Variants in METTL25 observed in about 807,000 individuals in gnomAD.
METTL25 encodes probable methyltransferase-like protein 25.
In METTL25, 64 loss-of-function variants were observed where a neutral mutation model predicts 71.6. The observed-to-expected ratio is 0.89, with a 90% confidence interval of 0.73 to 1.10. METTL25 has a LOEUF of 1.10. Ranked by LOEUF, METTL25 falls within the 50% of genes least tolerant of loss-of-function variation. The probability of loss-of-function intolerance (pLI) is 0.00; values close to 1 mark genes in which losing one functional copy is unlikely to be tolerated. For synonymous variants in METTL25, 287 were observed against 250.3 expected, an observed-to-expected ratio of 1.15 and a Z score of -1.38; for missense variants, 807 against 707.0, an observed-to-expected ratio of 1.14 and a Z score of -1.60.
At chr12:82,398,507 G>C (rs866606936) in intron 3 of METTL25, among the ~76,000 whole-genome samples, 1 of 151,744 alleles carries the variant, frequency 6.6e-6, no homozygotes, top group Non-Finnish European at 1.5e-5. Flanking sequence ...TATTCTTTAA[G>C]ATATTCTGCA....
At chr12:82,364,688 G>A (rs1367459428) in intron 1 of METTL25, among the ~76,000 whole-genome samples, 1 of 152,198 alleles carries the variant, frequency 6.6e-6, no homozygotes, top group African/African-American at 2.4e-5. Flanking sequence ...ATAGAACTGA[G>A]AATATAGCAT....
At chr12:82,417,548 A>G (rs1021140254) in intron 5 of METTL25, among the ~76,000 whole-genome samples, 3 of 152,176 alleles carry the variant, frequency 2.0e-5, no homozygotes, top group Admixed American at 2.0e-4. Context: ...ATGTACAAAT[A>G]CCTTTTTTCT....
At chr12:82,391,302 A>C (rs1885555581) in intron 3 of METTL25, among the ~76,000 whole-genome samples, 1 of 152,076 alleles carries the variant, frequency 6.6e-6, no homozygotes, top group African/African-American at 2.4e-5. Flanking sequence ...AGTGGCCAAA[A>C]CATAATGTGT....
rs1885109615 is a variant in METTL25 at position 82,387,079 on chromosome 12, A to G, written c.424+112A>G. 7.1e-6 allele frequency: 6 copies of G among 844,190 alleles called. No individual in the cohort carries two copies. The Admixed American group carries it at 1.3e-4, about 19-fold the overall frequency. 52.3% of individuals were successfully genotyped at this position (844,190 alleles called of 1,614,324 possible). ...TATTAATTTATTGTTAGACCTTAATATATAAGCCCTGACAAATTAACTATT... is the reference window on the plus strand; with the variant it reads ...TATTAATTTATTGTTAGACCTTAATGTATAAGCCCTGACAAATTAACTATT... On this transcript the variant is annotated intron_variant, in intron 2 of 11. Coordinates refer to ENST00000248306, the MANE Select transcript of METTL25 (RefSeq NM_032230.3).
intron 9 of METTL25, among the ~76,000 whole-genome samples, chr12:82,470,303 A>T (rs1435401208): frequency 6.6e-6 from 1 of 152,152 alleles, no homozygotes; most frequent in Non-Finnish European, 1.5e-5. Context: ...AGGTAGTCTC[A>T]TTTGTCTGTA....
At chr12:82,425,359 A>G (rs4411333) in intron 5 of METTL25, among the ~76,000 whole-genome samples, 128,886 of 152,008 alleles carry the variant, frequency 0.85, 55,027 homozygotes, top group East Asian at 1. Flanking sequence ...CAAAGAAAGT[A>G]TTAAAGGGAT....
chr12:82,413,810 TAATA>T (rs1565843359), intron 5 of METTL25, among the ~76,000 whole-genome samples: 2 of 151,944 alleles, frequency 1.3e-5, no homozygotes, highest in African/African-American at 2.4e-5. Flanking sequence ...AAATAATAAA[TAATA>T]AATACTCTAC....
intron 4 of METTL25, among the ~76,000 whole-genome samples, chr12:82,400,626 T>A (rs997519263): frequency 6.6e-6 from 1 of 152,130 alleles, no homozygotes; most frequent in Non-Finnish European, 1.5e-5. Context: ...CACCTTCTAA[T>A]TTTCTCAAAA....
Position 82,399,125 on chromosome 12 carries a change from A to G in METTL25, c.862A>G (p.Asn288Asp), listed in dbSNP as rs1336373200. The change falls in exon 4 of 12, where the codon AAT becomes GAT. Residue 288 changes from asparagine (N) to aspartate (D), a missense_variant. Asn to Asp is a conservative substitution (Grantham distance 23). Coordinates refer to ENST00000248306, the MANE Select transcript of METTL25 (RefSeq NM_032230.3). Reference sequence around the variant, plus strand: ...TGATTTTTCTGGCTCTGTAATTTCTAATATCAGAAACCAAATGGAAACCCT... The same window carrying G: ...TGATTTTTCTGGCTCTGTAATTTCTGATATCAGAAACCAAATGGAAACCCT... The part of the protein sequence containing the change: ...LPDFSGSVIS[N>D]IRNQMETLHS... 2 of 1,613,678 alleles carry G rather than the reference A, an allele frequency of 1.2e-6. No individual in the cohort carries two copies. The highest frequency in any genetic ancestry group is 1.3e-5 in the African/African-American group (1 of 74,916).
chr12:82,479,091 A>G lies in METTL25; in HGVS notation c.*67A>G. 2.2e-6 allele frequency: 3 copies of G among 1,339,496 alleles called. No homozygotes were observed. In the South Asian group the frequency reaches 3.6e-5, roughly 16 times the overall value. The allele number at this position is 1,339,496 out of a possible 1,614,324, so 83.0% of individuals were successfully genotyped here. On this transcript the variant is annotated 3_prime_UTR_variant, in exon 12 of 12. Transcript: ENST00000248306. Reference sequence around the variant, plus strand: ...CCTGTTGCTGAGATTGCTTTTCTAAACATATATGTCCTGTTATACAAAAAT... The same window carrying G: ...CCTGTTGCTGAGATTGCTTTTCTAAGCATATATGTCCTGTTATACAAAAAT...
rs755396180 is a variant in METTL25 at position 82,358,791 on chromosome 12, A to T, written c.226A>T (p.Thr76Ser). Residue 76 changes from threonine to serine, a missense_variant, in exon 1 of 12, where the codon ACG becomes TCG. Thr to Ser is a moderately conservative substitution (Grantham distance 58). Coordinates refer to ENST00000248306, the MANE Select transcript of METTL25 (RefSeq NM_032230.3). ...ASETEALPSETRPLVEAEWEA... is the reference protein window; with the variant it reads ...ASETEALPSESRPLVEAEWEA... ...GGAGACGGAGGCCCTGCCCTCAGAG[A>T]CGCGCCCCCTAGTGGAAGCAGAGTG... 16 of 1,612,596 alleles carry T rather than the reference A, an allele frequency of 9.9e-6. No homozygotes were observed. The highest frequency in any genetic ancestry group is 1.3e-5 in the Non-Finnish European group (15 of 1,179,464).
chr12:82,379,057 AAAC>A (rs1425779468), intron 1 of METTL25, among the ~76,000 whole-genome samples: 1 of 152,132 alleles, frequency 6.6e-6, no homozygotes, highest in African/African-American at 2.4e-5. Flanking sequence ...CAACAATAAT[AAAC>A]AAATTGACAA....
At chr12:82,476,844 A>T in intron 10 of METTL25, 126 bp downstream of exon 10, 4 of 584,210 alleles carry the variant, frequency 6.8e-6, no homozygotes, top group Non-Finnish European at 1.2e-5. Context: ...ACTGTTTTGG[A>T]TCATTTCCTA....
intron 1 of METTL25, 155 bp downstream of exon 1, chr12:82,358,979 G>A: frequency 1.3e-6 from 1 of 742,764 alleles, no homozygotes; most frequent in Admixed American, 2.6e-5. Flanking sequence ...ATTAGTTGAG[G>A]GGTGGGGTGG....
intron 3 of METTL25, among the ~76,000 whole-genome samples, chr12:82,398,065 C>T (rs986273860): frequency 1.3e-5 from 2 of 151,896 alleles, no homozygotes; most frequent in African/African-American, 4.8e-5. Context: ...GAATTGCCAT[C>T]TTAGTATTGA....
At chr12:82,462,034 A>G (rs889328271) in intron 9 of METTL25, among the ~76,000 whole-genome samples, 11 of 152,212 alleles carry the variant, frequency 7.2e-5, no homozygotes, top group Admixed American at 7.2e-4. Context: ...AATTCATGCT[A>G]GTTCCTTTTT....
chr12:82,392,521 G>A (rs1885689784), intron 3 of METTL25, among the ~76,000 whole-genome samples: 1 of 151,962 alleles, frequency 6.6e-6, no homozygotes, highest in Admixed American at 6.6e-5. Flanking sequence ...TATGTATTCT[G>A]GTTGTTGATC....
chr12:82,394,304 T>C (rs1223259702), intron 3 of METTL25, among the ~76,000 whole-genome samples: 1 of 151,962 alleles, frequency 6.6e-6, no homozygotes, highest in African/African-American at 2.4e-5. Flanking sequence ...TCCCCAACTA[T>C]TATTATATTT....
intron 2 of METTL25, among the ~76,000 whole-genome samples, 181 bp downstream of exon 2, chr12:82,387,148 C>T (rs1389324015): frequency 6.6e-6 from 1 of 152,060 alleles, no homozygotes; most frequent in Non-Finnish European, 1.5e-5. Context: ...TTAAACAGAA[C>T]AACTTGTAGA....
Sources: allele counts gnomAD v4.1 joint callset (sites outside exome capture counted in the v4.1 genomes callset), GRCh38; gene constraint gnomAD v4.1.1; transcripts MANE v1.5; gene names NCBI Gene and HGNC (gene_info 2026-07-23, HGNC 2026-07-21).